B3GAT1: variants seen among roughly 807,000 people sequenced by gnomAD.
B3GAT1 encodes the protein galactosylgalactosylxylosylprotein 3-beta-glucuronosyltransferase 1.
In B3GAT1, 11 loss-of-function variants were observed where a neutral mutation model predicts 28.4. The observed-to-expected ratio is 0.39, with a 90% CI of 0.24 to 0.64. The LOEUF (loss-of-function observed/expected upper bound fraction) is 0.64, where lower values mean the gene tolerates loss of function less well. B3GAT1 is among the 30% of genes least tolerant of loss of function. The pLI is 0.50. For synonymous variants in B3GAT1, 255 were observed against 223.1 expected, an observed-to-expected ratio of 1.14 and a Z score of -1.27; for missense variants, 375 against 491.0, an observed-to-expected ratio of 0.76 and a Z score of 2.23.
At position 134,382,610 on chromosome 11, in the gene B3GAT1, G is replaced by A. The variant is rs145736695; in HGVS notation, c.918+100C>T. The A allele has an allele frequency of 1.6e-3, 2,209 of 1,401,356 alleles. 9 individuals carry two copies. Among genetic ancestry groups the A allele is most frequent in the Admixed American group, 5.1e-3 (229 of 45,044 alleles). 86.8% of individuals were successfully genotyped at this position (1,401,356 alleles called of 1,614,324 possible). ...TGGGAGGGGGTTCCAGAAAGCCCAG[G>A]CTATTTTGAGGCCTCTGTTTCCTTC... On this transcript the variant is annotated intron_variant, in intron 4 of 5. Coordinates refer to ENST00000312527, the MANE Select transcript of B3GAT1 (RefSeq NM_054025.3).
At position 134,410,840 on chromosome 11, in the gene B3GAT1, G is replaced by A. The variant is rs114898840; in HGVS notation, c.-282+967C>T. On this transcript the variant is annotated intron_variant, in intron 1 of 5. Transcript: ENST00000312527. ...CATCCGTACCCCAACATTTTCAACA[G>A]TGCGTGCTACACAGCCCAAGCTCTA... 4.5e-3 allele frequency among the ~76,000 whole-genome samples: 686 copies of A among 152,340 alleles called. 7 individuals are homozygous for A. Among genetic ancestry groups the A allele is most frequent in the African/African-American group, 0.016 (649 of 41,574 alleles).
intron 1 of B3GAT1, among the ~76,000 whole-genome samples, chr11:134,396,888 AG>A: frequency 6.6e-6 from 1 of 152,168 alleles, no homozygotes; most frequent in Non-Finnish European, 1.5e-5. Context: ...CACCAGCACG[AG>A]GCCCCTGACG....
At chr11:134,395,281 G>GCAGCTGGAGAGAAGGC (rs1944482847) in intron 1 of B3GAT1, among the ~76,000 whole-genome samples, 1 of 152,242 alleles carries the variant, frequency 6.6e-6, no homozygotes, top group Non-Finnish European at 1.5e-5. Flanking sequence ...AGAGGGAGCG[G>GCAGCTGGAGAGAAGGC]CAGCTGGAGA....
Position 134,411,213 on chromosome 11 carries a change from T to C in B3GAT1, c.-282+594A>G, listed in dbSNP as rs1196063495. 6.6e-6 allele frequency among the ~76,000 whole-genome samples: 1 copy of C among 152,194 alleles called. No homozygotes were observed. The highest frequency in any genetic ancestry group is 1.5e-5 in the Non-Finnish European group (1 of 68,026). The stretch of plus-strand genomic sequence containing the variant: ...TTTGGAGGGATTGGGACCTCAGACC[T>C]GAGCCCAGGTGCAGATGGGAGGGTG... On this transcript the variant is annotated intron_variant, in intron 1 of 5. Transcript: ENST00000312527. The surrounding 1 kb of genome is among the most constrained non-coding windows in gnomAD (Gnocchi z 6.0).
chr11:134,383,185 A>G (rs1944176385), intron 3 of B3GAT1, among the ~76,000 whole-genome samples, 179 bp from the exon 4 acceptor site: 2 of 152,118 alleles, frequency 1.3e-5, no homozygotes, highest in Non-Finnish European at 2.9e-5. Context: ...TGGGCACCTG[A>G]GAAGAACCTG....
intron 1 of B3GAT1, among the ~76,000 whole-genome samples, chr11:134,405,966 C>G (rs1220400484): frequency 6.6e-6 from 1 of 152,238 alleles, no homozygotes; most frequent in Non-Finnish European, 1.5e-5. Flanking sequence ...TTGGGTCGCT[C>G]TGTGGAAGTG....
chr11:134,389,037 T>C (rs1944355548), intron 1 of B3GAT1: 1 of 152,250 alleles, frequency 6.6e-6, no homozygotes, highest in African/African-American at 2.4e-5. Flanking sequence ...CCAAATTGCT[T>C]TCCATAGTGG....
chr11:134,384,426 C>A, intron 2 of B3GAT1: 1 of 518,678 alleles, frequency 1.9e-6, no homozygotes, highest in Non-Finnish European at 3.3e-6. Context: ...CCCACCTTTG[C>A]AGCCCTCTAG....
At chr11:134,396,576 A>G (rs1407542214) in intron 1 of B3GAT1, among the ~76,000 whole-genome samples, 9 of 152,104 alleles carry the variant, frequency 5.9e-5, no homozygotes, top group Non-Finnish European at 1.2e-4. Context: ...CCATCTGTAA[A>G]ACGGGAATAA....
rs773540390 is a variant in B3GAT1, at chr11:134,387,591, G to A, written c.69C>T (p.Val23=). Residue 23 remains valine, a synonymous_variant, in exon 2 of 6, where the codon GTC becomes GTT. Transcript: ENST00000312527. ...GGGGTGCGAGGGTGCTCTGGTGCCA[G>A]ACAGTGATGAGCAGAGTCCAGGGCA... The part of the protein sequence containing the change: ...IVLPWTLLIT[V]WHQSTLAPLL... The A allele has an allele frequency of 2.0e-5, 32 of 1,614,048 alleles. No individual in the cohort carries two copies. The highest frequency in any genetic ancestry group is 2.7e-5 in the Non-Finnish European group (32 of 1,180,050).
chr11:134,404,043 A>C (rs1944681808), intron 1 of B3GAT1, among the ~76,000 whole-genome samples: 1 of 122,060 alleles, frequency 8.2e-6, no homozygotes, highest in Non-Finnish European at 1.6e-5. Flanking sequence ...ATTATACGTT[A>C]AGTTCTAGGG....
chr11:134,410,775 A>G (rs1214187928), intron 1 of B3GAT1, among the ~76,000 whole-genome samples: 1 of 152,180 alleles, frequency 6.6e-6, no homozygotes, highest in East Asian at 1.9e-4. Context: ...CCATTTCCAC[A>G]CAAACACATC....
At chr11:134,402,222 G>A (rs1944629707) in intron 1 of B3GAT1, among the ~76,000 whole-genome samples, 1 of 152,178 alleles carries the variant, frequency 6.6e-6, no homozygotes, top group Admixed American at 6.5e-5. Flanking sequence ...CTGAGCTAGA[G>A]TCAAGTCGCG....
chr11:134,408,888 T>C (rs868206027), intron 1 of B3GAT1, among the ~76,000 whole-genome samples: 11 of 107,702 alleles, frequency 1.0e-4, no homozygotes, highest in African/African-American at 1.8e-4. Flanking sequence ...CCTGCACCGA[T>C]TCCAGTGGGG....
At position 134,380,448 on chromosome 11, in the gene B3GAT1, C is replaced by T. The variant is rs1166325178; in HGVS notation, c.*314G>A. The T allele has an allele frequency of 6.6e-6, 1 of 152,514 alleles. No homozygotes were observed. The highest frequency in any genetic ancestry group is 2.4e-5 in the African/African-American group (1 of 41,462). The allele number at this position is 152,514 out of a possible 1,614,324, so 9.4% of individuals were successfully genotyped here. A position where few individuals can be genotyped will look rare whatever the true frequency, so the allele number is the denominator to read the frequency against. On this transcript the variant is annotated 3_prime_UTR_variant, in exon 6 of 6. Transcript: ENST00000312527. ...GCGCCCACTGCACCTGCTCCTGCAG[C>T]CCCGTCAGTGCGGGGAGCTCTGGGG...
At position 134,384,105 on chromosome 11, in the gene B3GAT1, C is replaced by T. The variant is rs749619638; in HGVS notation, c.196G>A (p.Val66Met). The T allele has an allele frequency of 1.9e-6, 3 of 1,590,274 alleles. No individual in the cohort carries two copies. The highest frequency in any genetic ancestry group is 2.3e-5 in the East Asian group (1 of 44,412). Residue 66 changes from valine to methionine, a missense_variant, in exon 3 of 6, where the codon GTG (valine) becomes ATG (methionine). Coordinates refer to ENST00000312527, the MANE Select transcript of B3GAT1 (RefSeq NM_054025.3). ...YCTSDRDIVEVVRTEYVYTRP... is the reference protein window; with the variant it reads ...YCTSDRDIVEMVRTEYVYTRP... Reference sequence around the variant, plus strand: ...GTGTACACGTACTCGGTGCGCACCACCTCCACGATGTCGCGGTCAGACGTG... The same window carrying T: ...GTGTACACGTACTCGGTGCGCACCATCTCCACGATGTCGCGGTCAGACGTG...
At chr11:134,410,292 AC>A (rs1211210320) in intron 1 of B3GAT1, among the ~76,000 whole-genome samples, 1 of 152,224 alleles carries the variant, frequency 6.6e-6, no homozygotes, top group Non-Finnish European at 1.5e-5. Context: ...CTTCCAGCTC[AC>A]CTGGACCTGG....
At chr11:134,382,176 T>G (rs1378979711) in intron 4 of B3GAT1, 152 bp from the exon 5 acceptor site, 1 of 680,412 alleles carries the variant, frequency 1.5e-6, no homozygotes, top group Non-Finnish European at 2.5e-6. Flanking sequence ...TTCTCAATTG[T>G]TTTTTATTTA....
rs562693146 is a variant in B3GAT1, at chr11:134,398,155, ACACC to A, written c.-281-10219_-281-10216del. 5.4e-3 allele frequency among the ~76,000 whole-genome samples: 829 copies of A among 152,286 alleles called. 10 individuals carry two copies. Among genetic ancestry groups the A allele is most frequent in the African/African-American group, 0.019 (789 of 41,548 alleles). ...CACAGGGCAGCTGGCCTGCTGCTTG[ACACC>A]CATGTGCATGCGTGTGTGCATGTGT... On this transcript the variant is annotated intron_variant, in intron 1 of 5. Transcript: ENST00000312527.
Sources: gnomAD v4.1 joint callset for allele counts (sites outside exome capture counted in the v4.1 genomes callset) on GRCh38, gnomAD v4.1.1 for gene constraint, Gnocchi (gnomAD v3.1) non-coding constraint, MANE v1.5 for transcripts, NCBI Gene and HGNC (gene_info 2026-07-23, HGNC 2026-07-21) for gene names.